UTS2B: variants seen among roughly 807,000 people sequenced by gnomAD.
UTS2B encodes the protein urotensin 2B.
A neutral mutation model predicts 19.2 loss-of-function variants in UTS2B; 21 were observed. The ratio of observed to expected loss-of-function variants is 1.09; its 90% CI spans 0.78 to 1.58. UTS2B has a LOEUF of 1.58. Ranked by LOEUF, UTS2B falls within the 40% of genes most tolerant of loss-of-function variation. The probability of loss-of-function intolerance (pLI) is 0.00; values close to 1 mark genes in which losing one functional copy is unlikely to be tolerated. For synonymous variants in UTS2B, 57 were observed against 50.2 expected, an observed-to-expected ratio of 1.14 and a Z score of -0.58; for missense variants, 138 against 130.3, an observed-to-expected ratio of 1.06 and a Z score of -0.29.
chr3:191,332,001 A>G (rs1161636788), upstream of UTS2B, among the ~76,000 whole-genome samples: 2 of 152,192 alleles, frequency 1.3e-5, no homozygotes, highest in Non-Finnish European at 2.9e-5. Flanking sequence ...TAAACTTTTG[A>G]TAGATATATA....
At chr3:191,291,697 C>T (rs1716722778) in intron 4 of UTS2B, among the ~76,000 whole-genome samples, 1 of 152,176 alleles carries the variant, frequency 6.6e-6, no homozygotes, top group African/African-American at 2.4e-5. Context: ...CGTGATCCAC[C>T]CACCTCAGCC....
intron 4 of UTS2B, among the ~76,000 whole-genome samples, chr3:191,297,539 A>G (rs1177878412): frequency 6.6e-6 from 1 of 152,148 alleles, no homozygotes; most frequent in Non-Finnish European, 1.5e-5. Flanking sequence ...CTCTTCTTTC[A>G]TATTCTTGTA....
At position 191,276,748 on chromosome 3, in the gene UTS2B, G is replaced by A. The variant is rs1348808956; in HGVS notation, c.240+59C>T. On this transcript the variant is annotated intron_variant, in intron 7 of 8. Transcript: ENST00000340524. ...TTTATTTTAAAAAACATTGTGTCAA[G>A]AAGAAATTTCCTTATAATTGTTATT... 2.1e-6 allele frequency: 3 copies of A among 1,419,012 alleles called. No individual in the cohort carries two copies. In the East Asian group the frequency reaches 7.0e-5, roughly 33 times the overall value. 87.9% of individuals were successfully genotyped at this position (1,419,012 alleles called of 1,614,324 possible).
chr3:191,307,938 C>A (rs1251857273), intron 3 of UTS2B, among the ~76,000 whole-genome samples: 1 of 150,504 alleles, frequency 6.6e-6, no homozygotes, highest in Admixed American at 6.7e-5. Context: ...CGGGTTAAAG[C>A]AATTCTCCTG....
chr3:191,302,470 G>C (rs1717030019), intron 4 of UTS2B, among the ~76,000 whole-genome samples: 1 of 152,194 alleles, frequency 6.6e-6, no homozygotes, highest in Admixed American at 6.5e-5. Context: ...TAACAAATTT[G>C]CTTTCACTTA....
chr3:191,331,306 C>T (rs2108625448), upstream of UTS2B, among the ~76,000 whole-genome samples: 1 of 152,290 alleles, frequency 6.6e-6, no homozygotes, highest in South Asian at 2.1e-4. Flanking sequence ...AGTGAAAAAA[C>T]ATAAAACTCT....
chr3:191,340,662 G>A, the UTS2B span, among the ~76,000 whole-genome samples: 1 of 152,084 alleles, frequency 6.6e-6, no homozygotes. Flanking sequence ...AGTTTGGAGT[G>A]GCGGAGCTTA....
chr3:191,279,400 ATCAT>A (rs1716321499), intron 5 of UTS2B, among the ~76,000 whole-genome samples: 1 of 152,042 alleles, frequency 6.6e-6, no homozygotes, highest in Non-Finnish European at 1.5e-5. Flanking sequence ...TTTTATTTTA[ATCAT>A]TCATTAAAAA....
chr3:191,305,494 G>A (rs1027765827), intron 3 of UTS2B, among the ~76,000 whole-genome samples: 1 of 152,036 alleles, frequency 6.6e-6, no homozygotes, highest in African/African-American at 2.4e-5. Context: ...CAGGTCCTTT[G>A]CTCATTTTTT....
At chr3:191,295,794 T>C (rs919602732) in intron 4 of UTS2B, among the ~76,000 whole-genome samples, 9 of 150,162 alleles carry the variant, frequency 6.0e-5, no homozygotes, top group African/African-American at 2.3e-4. Context: ...TGTTGCGTCT[T>C]CTTTTCCAAT....
chr3:191,305,845 C>G (rs895636439), intron 3 of UTS2B, among the ~76,000 whole-genome samples: 14 of 152,194 alleles, frequency 9.2e-5, no homozygotes, highest in Admixed American at 5.2e-4. Flanking sequence ...TTTGTGTACG[C>G]AGTAAGGAAG....
At chr3:191,340,041 G>GTA in the UTS2B span, among the ~76,000 whole-genome samples, 6 of 152,172 alleles carry the variant, frequency 3.9e-5, no homozygotes, top group Non-Finnish European at 8.8e-5. Context: ...TTTACATGAT[G>GTA]TATAATACTT....
chr3:191,277,183 C>A (rs568065174), intron 6 of UTS2B, among the ~76,000 whole-genome samples: 1 of 151,874 alleles, frequency 6.6e-6, no homozygotes, highest in Non-Finnish European at 1.5e-5. Flanking sequence ...GGGTTGTGGG[C>A]GGGGGGAAGC....
rs1716231583 is a variant in UTS2B, at chr3:191,276,216, CTCTTTATCTCCA to C, written c.240+579_240+590del. Among the ~76,000 whole-genome samples the C allele has an allele frequency of 3.3e-5, 5 of 152,292 alleles. No individual in the cohort carries two copies. The South Asian group carries it at 1.0e-3, about 32-fold the overall frequency. On this transcript the variant is annotated intron_variant, in intron 7 of 8. Transcript: ENST00000340524. Reference sequence around the variant, plus strand: ...CAAAAGTAGGGTTCAGCCTGGACCACTCTTTATCTCCATGTTGGTGCTACTCAGAAGAGAATG... The same window carrying C: ...CAAAAGTAGGGTTCAGCCTGGACCACTGTTGGTGCTACTCAGAAGAGAATG...
intron 3 of UTS2B, among the ~76,000 whole-genome samples, chr3:191,310,803 A>G (rs746645927): frequency 6.6e-6 from 1 of 152,220 alleles, no homozygotes; most frequent in Non-Finnish European, 1.5e-5. Context: ...TTTTACAGAG[A>G]TTGAACAGAT....
At chr3:191,280,549 C>A (rs1448912779) in intron 5 of UTS2B, among the ~76,000 whole-genome samples, 1 of 152,072 alleles carries the variant, frequency 6.6e-6, no homozygotes, top group African/African-American at 2.4e-5. Flanking sequence ...TAGAAAATAA[C>A]CTTACTAATA....
intron 8 of UTS2B, among the ~76,000 whole-genome samples, chr3:191,274,898 T>C (rs538540176): frequency 6.6e-6 from 1 of 152,382 alleles, no homozygotes; most frequent in South Asian, 2.1e-4. Context: ...TTTCCCCTTA[T>C]GTCAGAATAG....
chr3:191,319,141 T>C (rs1717544785), intron 2 of UTS2B, among the ~76,000 whole-genome samples: 1 of 152,174 alleles, frequency 6.6e-6, no homozygotes, highest in Non-Finnish European at 1.5e-5. Flanking sequence ...CATTAGCTCC[T>C]TGTACTAATC....
chr3:191,329,490 G>C (rs948854315), intron 1 of UTS2B: 7 of 523,236 alleles, frequency 1.3e-5, no homozygotes, highest in Non-Finnish European at 2.3e-5. Context: ...GTGCCTCGGG[G>C]ACCGTCTCCC....
Sources: gnomAD v4.1 joint callset for allele counts (sites outside exome capture counted in the v4.1 genomes callset) on GRCh38, gnomAD v4.1.1 for gene constraint, MANE v1.5 for transcripts, NCBI Gene and HGNC (gene_info 2026-07-23, HGNC 2026-07-21) for gene names.